Variants in PDXDC1 observed in about 807,000 individuals in gnomAD.
PDXDC1 encodes the protein pyridoxal-dependent decarboxylase domain-containing protein 1.
In PDXDC1, 42 loss-of-function variants were observed where a neutral mutation model predicts 100.1. That is an observed-to-expected ratio of 0.42 (90% confidence interval 0.33 to 0.54). The LOEUF (loss-of-function observed/expected upper bound fraction) is 0.54, where lower values mean the gene tolerates loss of function less well. Among genes scored for constraint, PDXDC1 ranks in the 20% least tolerant of loss-of-function variants. The pLI is 0.10. For synonymous variants in PDXDC1, 260 were observed against 371.7 expected (o/e 0.70, Z 3.46); for missense variants, 636 against 979.2 (o/e 0.65, Z 4.68).
In PDXDC1 at chr16:15,064,545, T is replaced by A. The variant is rs138424484; in HGVS notation, c.1399+34489T>A. ...TCTCTAGAGGAAGGAACAAGACACT[T>A]GGCAGAAAATTATGAAGCAAGAAAA... On this transcript the variant is annotated intron_variant, in intron 16 of 16. Coordinates refer to the PDXDC1 transcript ENST00000535621. Among the ~76,000 whole-genome samples, 150 of 152,300 alleles carry A rather than the reference T, an allele frequency of 9.8e-4. 1 individual carries two copies. Among genetic ancestry groups the A allele is most frequent in the African/African-American group, 3.5e-3 (146 of 41,564 alleles).
intron 16 of PDXDC1, among the ~76,000 whole-genome samples, chr16:15,030,844 A>G (rs1050086105): frequency 6.6e-6 from 1 of 151,984 alleles, no homozygotes; most frequent in Non-Finnish European, 1.5e-5. Context: ...TTCCACTACA[A>G]GGGTTCTCAC....
At chr16:15,094,646 G>C (rs995096313) in intron 16 of PDXDC1, 1 of 257,642 alleles carries the variant, frequency 3.9e-6, no homozygotes, top group South Asian at 4.1e-5. Context: ...AAGGGGATTC[G>C]AACCCGGCTG....
intron 18 of PDXDC1, 118 bp from the exon 19 acceptor site, chr16:15,033,160 G>A: frequency 8.3e-7 from 1 of 1,198,270 alleles, no homozygotes. Flanking sequence ...TCCGCCCTTA[G>A]AATCTCCATG....
chr16:15,018,657 T>C (rs2041968490), intron 11 of PDXDC1, among the ~76,000 whole-genome samples, 183 bp from the exon 12 acceptor site: 1 of 152,152 alleles, frequency 6.6e-6, no homozygotes, highest in African/African-American at 2.4e-5. Flanking sequence ...CAAACCGAGG[T>C]CTCTGAGTGA....
chr16:14,998,092 A>C (rs929114062), intron 2 of PDXDC1, among the ~76,000 whole-genome samples: 21 of 152,280 alleles, frequency 1.4e-4, no homozygotes, highest in African/African-American at 5.1e-4. Context: ...AATACTTATT[A>C]TATATTCAGG....
At chr16:15,098,571 T>G (rs1334286506) in intron 16 of PDXDC1, among the ~76,000 whole-genome samples, 1 of 152,024 alleles carries the variant, frequency 6.6e-6, no homozygotes, top group Non-Finnish European at 1.5e-5. Context: ...GCAATACATT[T>G]GTTGAGCATA....
rs371496719 is a variant in PDXDC1, at chr16:15,103,405, C to T, written c.1400-35474C>T. ...ACCCACCCCGAGTATCCCCTGGGCACCCTGGCATAGCCAGATGACTTCCGT... is the reference window on the plus strand; with the variant it reads ...ACCCACCCCGAGTATCCCCTGGGCATCCTGGCATAGCCAGATGACTTCCGT... On this transcript the variant is annotated intron_variant, in intron 16 of 16. Coordinates refer to the PDXDC1 transcript ENST00000535621. The T allele has an allele frequency of 2.3e-3, 1,437 of 617,848 alleles. 2 individuals carry two copies. The highest frequency in any genetic ancestry group is 0.021 in the African/African-American group (1,143 of 53,742). 38.3% of individuals were successfully genotyped at this position (617,848 alleles called of 1,614,324 possible).
At chr16:15,035,816 T>TA (rs1363747988) in intron 22 of PDXDC1, among the ~76,000 whole-genome samples, 200 bp from the exon 23 acceptor site, 1 of 152,098 alleles carries the variant, frequency 6.6e-6, no homozygotes, top group Admixed American at 6.5e-5. Context: ...AAGATGACCT[T>TA]AGAGTTCCCC....
At chr16:15,093,524 C>G (rs570202936) in intron 16 of PDXDC1, among the ~76,000 whole-genome samples, 2 of 152,228 alleles carry the variant, frequency 1.3e-5, no homozygotes, top group Admixed American at 6.5e-5. Context: ...AACCACTGTC[C>G]CCAGTGTTTA....
intron 16 of PDXDC1, among the ~76,000 whole-genome samples, chr16:15,064,415 T>C (rs970340810): frequency 2.0e-5 from 3 of 152,108 alleles, no homozygotes; most frequent in African/African-American, 4.8e-5. Context: ...CTTCAAGTGA[T>C]CCGCCCGCCT....
intron 16 of PDXDC1, chr16:15,094,154 G>C (rs765019266): frequency 1.0e-5 from 16 of 1,599,042 alleles, no homozygotes; most frequent in East Asian, 2.2e-5. Flanking sequence ...CCCAGTCCTC[G>C]ACGCGCCCAG....
At chr16:15,150,200 T>A in the PDXDC1 span, among the ~76,000 whole-genome samples, 1 of 151,562 alleles carries the variant, frequency 6.6e-6, no homozygotes. Context: ...AAAAATTAGC[T>A]GGGCATGGTG....
At position 15,032,979 on chromosome 16, in the gene PDXDC1, G is replaced by C. The variant is rs1238525844; in HGVS notation, c.1690G>C (p.Gly564Arg). The C allele has an allele frequency of 1.3e-6, 2 of 1,508,982 alleles. No homozygotes were observed. Among genetic ancestry groups the C allele is most frequent in the East Asian group, 2.3e-5 (1 of 44,378 alleles). 93.5% of individuals were successfully genotyped at this position (1,508,982 alleles called of 1,614,324 possible). A position where few individuals can be genotyped will look rare whatever the true frequency, so the allele number is the denominator to read the frequency against. Reference protein sequence around the residue: ...ELESDLTFKIGPEYKSMKSCL... With the variant: ...ELESDLTFKIRPEYKSMKSCL... The stretch of plus-strand genomic sequence containing the variant: ...GGAATCTGACCTAACCTTTAAAATA[G>C]GTAACTGCTTACTTTGTAAGTCAGC... Residue 564 changes from glycine (G) to arginine (R), a missense_variant and splice_region_variant, in exon 18 of 23, where the codon GGC (glycine) becomes CGC (arginine). Physicochemically the swap from Gly to Arg is moderately radical, Grantham distance 125. Around this residue, in one of 4 missense-constraint regions of PDXDC1, gnomAD observed 452 missense variants for 402.9 expected, o/e 1.12. Transcript: ENST00000396410.
intron 16 of PDXDC1, among the ~76,000 whole-genome samples, chr16:15,076,245 A>C (rs2045450324): frequency 1.3e-5 from 2 of 152,212 alleles, no homozygotes; most frequent in South Asian, 4.1e-4. Context: ...AAAATGCAGA[A>C]ATTAAACAGG....
chr16:15,125,266 G>A (rs1471658922), intron 16 of PDXDC1: 4 of 598,784 alleles, frequency 6.7e-6, no homozygotes, highest in African/African-American at 3.8e-5. Context: ...CACAATGGAC[G>A]GGTCACTGAG....
rs374889240 is a variant in PDXDC1 at position 15,102,928 on chromosome 16, C to T, written c.1400-35951C>T. On this transcript the variant is annotated intron_variant, in intron 16 of 16. Transcript: ENST00000535621. Reference sequence around the variant, plus strand: ...CTCCAGCCTGAGCAACAGAGAGATACGCTGTCTCAAAGGAAATACAAATTA... The same window carrying T: ...CTCCAGCCTGAGCAACAGAGAGATATGCTGTCTCAAAGGAAATACAAATTA... Among the ~76,000 whole-genome samples the T allele has an allele frequency of 1.1e-3, 165 of 146,836 alleles. 1 individual carries two copies. The highest frequency in any genetic ancestry group is 5.2e-3 in the East Asian group (26 of 5,032).
At position 15,047,585 on chromosome 16, in the gene PDXDC1, C is replaced by G. The variant is rs371603293; in HGVS notation, c.1399+17529C>G. 17 of 1,467,770 alleles carry G rather than the reference C, an allele frequency of 1.2e-5. No individual in the cohort carries two copies. In the African/African-American group the frequency reaches 2.2e-4, roughly 19 times the overall value. The allele number at this position is 1,467,770 out of a possible 1,614,324, so 90.9% of individuals were successfully genotyped here. On this transcript the variant is annotated intron_variant, in intron 16 of 16. Coordinates refer to the PDXDC1 transcript ENST00000535621. ...AAGGGTGAAAGGACTCAAGTTATTC[C>G]CTGATGCGAGTGCAGTGCGCAGGCC... is the stretch of plus-strand genomic sequence containing the variant.
At chr16:15,042,607 G>A (rs1170750612), downstream of PDXDC1, among the ~76,000 whole-genome samples, 1 of 152,196 alleles carries the variant, frequency 6.6e-6, no homozygotes, top group Admixed American at 6.5e-5. Context: ...CAGATTTCCT[G>A]TTATAAGTAA....
At chr16:15,095,121 A>G (rs972785521) in intron 16 of PDXDC1, among the ~76,000 whole-genome samples, 4 of 152,050 alleles carry the variant, frequency 2.6e-5, no homozygotes, top group Non-Finnish European at 5.9e-5. Context: ...TACAAGCATG[A>G]GCCACCACGC....
Sources: gnomAD v4.1 joint callset for allele counts (sites outside exome capture counted in the v4.1 genomes callset) on GRCh38, gnomAD v4.1.1 for gene constraint, gnomAD v4.1.1 regional missense constraint, MANE v1.5 for transcripts, NCBI Gene and HGNC (gene_info 2026-07-23, HGNC 2026-07-21) for gene names.